Variants in CXCR4 observed in about 807,000 individuals in gnomAD.
CXCR4 encodes the protein C-X-C chemokine receptor type 4.
Under a neutral mutation model 22.4 loss-of-function variants are expected in CXCR4, and 6 were observed. That is an observed-to-expected ratio of 0.27 (90% CI 0.15 to 0.53). The LOEUF (loss-of-function observed/expected upper bound fraction) is 0.53. CXCR4 is among the 20% of genes least tolerant of loss of function. CXCR4 has a pLI of 0.96. For missense variants in CXCR4, 300 were observed against 430.4 expected, an observed-to-expected ratio of 0.70 and a Z score of 2.68; for synonymous variants, 155 against 171.7, an observed-to-expected ratio of 0.90 and a Z score of 0.76.
At position 136,118,056 on chromosome 2, in the gene CXCR4, T is replaced by G; in HGVS notation, c.5A>C (p.Glu2Ala). 6.2e-7 allele frequency: 1 copy of G among 1,613,802 alleles called. No individual in the cohort carries two copies. The highest frequency in any genetic ancestry group is 8.5e-7 in the Non-Finnish European group (1 of 1,179,792). Reference protein sequence around the residue: MEGISIYTSDNY... With the variant: MAGISIYTSDNY... ...TGAAACTGGACTTACACTGATCCCC[T>G]CCATGGTAACCGCTGGTTCTCCAGA... The change falls in exon 1 of 2, where the codon GAG becomes GCG. Residue 2 changes from glutamate (E) to alanine (A), a missense_variant. Transcript: ENST00000241393.
In CXCR4 at chr2:136,115,678, C is replaced by T. The variant is rs368016542; in HGVS notation, c.250G>A (p.Asp84Asn). ...DKYRLHLSVA[D>N]LLFVITLPFW... ...GGAAGCGTGATGACAAAGAGGAGGT[C>T]GGCCACTGACAGGTGCAGCCTGTAC... Residue 84 changes from aspartate to asparagine, a missense_variant, in exon 2 of 2, where the codon GAC becomes AAC. Physicochemically the swap from Asp to Asn is conservative, Grantham distance 23. Around this residue, in one of 3 missense-constraint regions of CXCR4, gnomAD observed 118 missense variants for 188.2 expected, o/e 0.63. Coordinates refer to ENST00000241393, the MANE Select transcript of CXCR4 (RefSeq NM_003467.3). The surrounding 1 kb of genome is among the most constrained non-coding windows in gnomAD (Gnocchi z 6.4). 16 of 1,614,068 alleles carry T rather than the reference C, an allele frequency of 9.9e-6. No homozygotes were observed. The highest frequency in any genetic ancestry group is 2.2e-5 in the South Asian group (2 of 91,084).
rs2104916416 is a variant in CXCR4 at position 136,115,296 on chromosome 2, G to A, written c.632C>T (p.Pro211Leu). 1 of 1,614,156 alleles carries A rather than the reference G, an allele frequency of 6.2e-7. No individual in the cohort carries two copies. ...FQHIMVGLIL[P>L]GIVILSCYCI... ...ATAGCAGGACAGGATGACAATACCA[G>A]GCAGGATAAGGCCAACCATGATGTG... Residue 211 changes from proline (P) to leucine (L), a missense_variant, in exon 2 of 2, where the codon CCT (proline) becomes CTT (leucine). Physicochemically the swap from Pro to Leu is moderately conservative, Grantham distance 98 (BLOSUM62 -3). Around this residue, in one of 3 missense-constraint regions of CXCR4, gnomAD observed 137 missense variants for 153.2 expected, o/e 0.89. Transcript: ENST00000241393. The surrounding 1 kb of genome is among the most constrained non-coding windows in gnomAD (Gnocchi z 6.4).
At chr2:136,117,808 A>T in intron 1 of CXCR4, 1 of 503,948 alleles carries the variant, frequency 2.0e-6, no homozygotes, top group African/African-American at 2.0e-5. Context: ...ACATGCAGCC[A>T]CTGGAACGCT....
At chr2:136,117,915 C>G (rs1684962680) in intron 1 of CXCR4, 131 bp downstream of exon 1, 1 of 463,928 alleles carries the variant, frequency 2.2e-6, no homozygotes, top group East Asian at 7.9e-5. Flanking sequence ...AAGAAAACTC[C>G]TTTCGGTGAC....
intron 1 of CXCR4, chr2:136,117,836 C>T (rs531232368): frequency 2.2e-5 from 12 of 537,536 alleles, no homozygotes; most frequent in South Asian, 2.1e-4. Context: ...GTCGTTTCTC[C>T]TCGACTCACA....
intron 1 of CXCR4, 172 bp from the exon 2 acceptor site, chr2:136,116,084 C>T (rs1270886458): frequency 2.0e-6 from 3 of 1,513,502 alleles, no homozygotes; most frequent in Non-Finnish European, 2.6e-6. Flanking sequence ...CTACAACTCT[C>T]CTCCCCATCT....
In CXCR4 at chr2:136,115,279, A is replaced by C; in HGVS notation, c.649T>G (p.Ser217Ala). ...TTGGAGATGATAATGCAATAGCAGG[A>C]CAGGATGACAATACCAGGCAGGATA... The part of the protein sequence containing the change: ...GLILPGIVIL[S>A]CYCIIISKLS... The change falls in exon 2 of 2, where the codon TCC (serine) becomes GCC (alanine). Residue 217 changes from serine to alanine, a missense_variant. Coordinates refer to ENST00000241393, the MANE Select transcript of CXCR4 (RefSeq NM_003467.3). This position sits in a 1 kb window ranked among gnomAD's most constrained non-coding sequence, Gnocchi z 6.4. The C allele has an allele frequency of 6.2e-7, 1 of 1,614,196 alleles. No homozygotes were observed. The highest frequency in any genetic ancestry group is 1.1e-5 in the South Asian group (1 of 91,080).
chr2:136,117,648 C>G (rs191111700), intron 1 of CXCR4: 1 of 192,412 alleles, frequency 5.2e-6, no homozygotes, highest in East Asian at 1.6e-4. Flanking sequence ...ATGTAACTCG[C>G]TCCAAGACAT....
At chr2:136,117,537 A>T (rs1684943273) in intron 1 of CXCR4, 1 of 159,020 alleles carries the variant, frequency 6.3e-6, no homozygotes, top group Admixed American at 6.5e-5. Flanking sequence ...ACCCAGTGTC[A>T]AGAACAGTCA....
chr2:136,115,758 C>A lies in CXCR4; in HGVS notation c.170G>T (p.Gly57Val). 6.2e-7 allele frequency: 1 copy of A among 1,614,198 alleles called. No individual in the cohort carries two copies. Among genetic ancestry groups the A allele is most frequent in the Non-Finnish European group, 8.5e-7 (1 of 1,180,038 alleles). Residue 57 changes from glycine (G) to valine (V), a missense_variant, in exon 2 of 2, where the codon GGA (glycine) becomes GTA (valine). This residue lies in a region of CXCR4 where 118 missense variants were observed against 188.2 expected (regional missense o/e 0.63). Transcript: ENST00000241393. The surrounding 1 kb of genome is among the most constrained non-coding windows in gnomAD (Gnocchi z 6.4). ...IIFLTGIVGN[G>V]LVILVMGYQK... ...GTAACCCATGACCAGGATGACCAAT[C>A]CATTGCCCACAATGCCAGTTAAGAA...
At chr2:136,117,644 C>T (rs1684949912) in intron 1 of CXCR4, 2 of 180,980 alleles carry the variant, frequency 1.1e-5, no homozygotes, top group Admixed American at 6.3e-5. Context: ...GACAATGTAA[C>T]TCGCTCCAAG....
Position 136,115,086 on chromosome 2 carries a change from T to G in CXCR4, c.842A>C (p.His281Pro), listed in dbSNP as rs1684846497. 6.2e-7 allele frequency: 1 copy of G among 1,614,096 alleles called. No individual in the cohort carries two copies. The highest frequency in any genetic ancestry group is 1.7e-5 in the Admixed American group (1 of 60,012). Residue 281 changes from histidine (H) to proline (P), a missense_variant, in exon 2 of 2, where the codon CAC (histidine) becomes CCC (proline). By Grantham distance (77) the His-to-Pro change is moderately conservative (BLOSUM62 -2). Transcript: ENST00000241393. The surrounding 1 kb of genome is among the most constrained non-coding windows in gnomAD (Gnocchi z 6.4). ...GGCCTCGGTGATGGAAATCCACTTGTGCACAGTGTTCTCAAACTCACACCC... is the reference window on the plus strand; with the variant it reads ...GGCCTCGGTGATGGAAATCCACTTGGGCACAGTGTTCTCAAACTCACACCC... Reference protein sequence around the residue: ...KQGCEFENTVHKWISITEALA... With the variant: ...KQGCEFENTVPKWISITEALA...
At chr2:136,116,352 G>T in intron 1 of CXCR4, 2 of 452,174 alleles carry the variant, frequency 4.4e-6, no homozygotes, top group Non-Finnish European at 6.1e-6. Flanking sequence ...TTTGTAAGAA[G>T]TTTTTCGCCC....
chr2:136,115,401 T>C lies in CXCR4; in HGVS notation c.527A>G (p.Asn176Ser), dbSNP rs1274871337. ...LLTIPDFIFA[N>S]VSEADDRYIC... is the part of the protein sequence containing the mutation. ...ATATCTGTCATCTGCCTCACTGACG[T>C]TGGCAAAGATGAAGTCGGGAATAGT... Residue 176 changes from asparagine to serine, a missense_variant, in exon 2 of 2, where the codon AAC (asparagine) becomes AGC (serine). Physicochemically the swap from Asn to Ser is conservative, Grantham distance 46. Coordinates refer to ENST00000241393, the MANE Select transcript of CXCR4 (RefSeq NM_003467.3). This position sits in a 1 kb window ranked among gnomAD's most constrained non-coding sequence, Gnocchi z 6.4. 1 of 1,614,172 alleles carries C rather than the reference T, an allele frequency of 6.2e-7. No homozygotes were observed.
rs1187350391 is a variant in CXCR4, at chr2:136,114,505, G to GA, written c.*363dup. 4.0e-6 allele frequency: 1 copy of GA among 251,604 alleles called. No homozygotes were observed. The highest frequency in any genetic ancestry group is 7.8e-6 in the Non-Finnish European group (1 of 128,178). 15.6% of individuals were successfully genotyped at this position (251,604 alleles called of 1,614,324 possible). Reference sequence around the variant, plus strand: ...CTTCTACAGCAAAATCACGTCTTAAGAACAGGAAAAACGTTCCACGGGAAT... The same window carrying GA: ...CTTCTACAGCAAAATCACGTCTTAAGAAACAGGAAAAACGTTCCACGGGAAT... On this transcript the variant is annotated 3_prime_UTR_variant, in exon 2 of 2. Transcript: ENST00000241393.
Position 136,115,624 on chromosome 2 carries a change from A to T in CXCR4, c.304T>A (p.Trp102Arg). ...PFWAVDAVAN[W>R]YFGNFLCKAV... Reference sequence around the variant, plus strand: ...TTGCATAGGAAGTTCCCAAAGTACCAGTTTGCCACGGCATCAACTGCCCAG... The same window carrying T: ...TTGCATAGGAAGTTCCCAAAGTACCTGTTTGCCACGGCATCAACTGCCCAG... Residue 102 changes from tryptophan to arginine, a missense_variant, in exon 2 of 2, where the codon TGG becomes AGG. Trp to Arg is a moderately radical substitution (Grantham distance 101). This residue lies in a region of CXCR4 where 118 missense variants were observed against 188.2 expected (regional missense o/e 0.63). Transcript: ENST00000241393. This position sits in a 1 kb window ranked among gnomAD's most constrained non-coding sequence, Gnocchi z 6.4. 1 of 1,614,196 alleles carries T rather than the reference A, an allele frequency of 6.2e-7. No homozygotes were observed. The highest frequency in any genetic ancestry group is 8.5e-7 in the Non-Finnish European group (1 of 1,180,030).
At chr2:136,118,001 A>G in intron 1 of CXCR4, 45 bp downstream of exon 1, 1 of 1,607,918 alleles carries the variant, frequency 6.2e-7, no homozygotes, top group Admixed American at 1.7e-5. Flanking sequence ...CTCTAAGTTC[A>G]AACGTTTGTA....
In CXCR4 at chr2:136,118,130, G is replaced by C. The variant is rs890801364; in HGVS notation, c.-70C>G. ...GGCCCTCGGCGTCACTTTGCTACCT[G>C]CTGCCGCAGCCAACAAACTGAAGTT... On this transcript the variant is annotated 5_prime_UTR_variant, in exon 1 of 2. Transcript: ENST00000241393. 1.3e-6 allele frequency: 2 copies of C among 1,516,920 alleles called. No homozygotes were observed. Among genetic ancestry groups the C allele is most frequent in the East Asian group, 4.5e-5 (2 of 44,182 alleles). The allele number at this position is 1,516,920 out of a possible 1,614,324, so 94.0% of individuals were successfully genotyped here. A position where few individuals can be genotyped will look rare whatever the true frequency, so the allele number is the denominator to read the frequency against.
chr2:136,115,946 C>A lies in CXCR4; in HGVS notation c.16-34G>T. The A allele has an allele frequency of 6.2e-7, 1 of 1,614,024 alleles. No homozygotes were observed. The highest frequency in any genetic ancestry group is 1.1e-5 in the South Asian group (1 of 91,068). ...GAGGCAAAGGAATGGACATTCACTT[C>A]CAATTCAGCAAGCATTAACCCAGTT... On this transcript the variant is annotated intron_variant, in intron 1 of 1. Coordinates refer to ENST00000241393, the MANE Select transcript of CXCR4 (RefSeq NM_003467.3). This position sits in a 1 kb window ranked among gnomAD's most constrained non-coding sequence, Gnocchi z 6.4.
Sources: allele counts gnomAD v4.1 joint callset, GRCh38; gene constraint gnomAD v4.1.1; regional missense constraint gnomAD v4.1.1; non-coding constraint Gnocchi (gnomAD v3.1); transcripts MANE v1.5; gene names NCBI Gene and HGNC (gene_info 2026-07-23, HGNC 2026-07-21).